Variants in FSTL4 observed in about 807,000 individuals in gnomAD.
FSTL4 encodes follistatin-related protein 4.
Under a neutral mutation model 78.2 loss-of-function variants are expected in FSTL4, and 28 were observed. The ratio of observed to expected loss-of-function variants is 0.36; its 90% confidence interval spans 0.27 to 0.49. FSTL4 has a LOEUF of 0.49. Ranked by LOEUF, FSTL4 falls within the 20% of genes least tolerant of loss-of-function variation. The pLI is 0.98. For synonymous variants in FSTL4, 422 were observed against 440.5 expected, an observed-to-expected ratio of 0.96 and a Z score of 0.53; for missense variants, 922 against 1,084.9, an observed-to-expected ratio of 0.85 and a Z score of 2.11.
chr5:133,652,248 G>T, the FSTL4 span, among the ~76,000 whole-genome samples: 1 of 151,834 alleles, frequency 6.6e-6, no homozygotes, highest in Non-Finnish European at 1.5e-5. Context: ...TAATTTTATT[G>T]ATTTCTGCTC....
upstream of FSTL4, among the ~76,000 whole-genome samples, chr5:133,616,918 G>T (rs796360626): frequency 3.1e-4 from 47 of 152,172 alleles, no homozygotes; most frequent in African/African-American, 1.1e-3. Flanking sequence ...TTGCTTCCTA[G>T]CAAGAGTGGC....
At chr5:133,627,483 G>A in the FSTL4 span, among the ~76,000 whole-genome samples, 16 of 152,152 alleles carry the variant, frequency 1.1e-4, 1 homozygote, top group Non-Finnish European at 1.5e-5. Flanking sequence ...CATGACACAT[G>A]GGAATTATGA....
the FSTL4 span, among the ~76,000 whole-genome samples, chr5:133,620,927 T>C: frequency 6.6e-6 from 1 of 152,088 alleles, no homozygotes; most frequent in Admixed American, 6.5e-5. Flanking sequence ...ACAGGTTATC[T>C]ACCCAGAGGA....
At chr5:133,363,703 C>T (rs1409134156) in intron 4 of FSTL4, among the ~76,000 whole-genome samples, 1 of 152,176 alleles carries the variant, frequency 6.6e-6, no homozygotes, top group Non-Finnish European at 1.5e-5. Context: ...GAAACCTGGG[C>T]TGAGGGCATC....
At chr5:133,681,173 C>G in the FSTL4 span, among the ~76,000 whole-genome samples, 1 of 152,370 alleles carries the variant, frequency 6.6e-6, no homozygotes, top group South Asian at 2.1e-4. Flanking sequence ...GCTTGGCCTC[C>G]TGCTTCGTTT....
At chr5:133,284,378 T>G (rs1051351315) in intron 6 of FSTL4, among the ~76,000 whole-genome samples, 1 of 152,266 alleles carries the variant, frequency 6.6e-6, no homozygotes, top group African/African-American at 2.4e-5. Flanking sequence ...CTTCAATTGT[T>G]GGAGTGTGAC....
At chr5:133,545,320 C>T (rs964444245) in intron 3 of FSTL4, among the ~76,000 whole-genome samples, 27 of 152,308 alleles carry the variant, frequency 1.8e-4, no homozygotes, top group Admixed American at 3.9e-4. Context: ...GCCACTCTCG[C>T]AGGACTGGAT....
At chr5:133,748,395 C>T in the FSTL4 span, among the ~76,000 whole-genome samples, 2 of 151,698 alleles carry the variant, frequency 1.3e-5, no homozygotes, top group Non-Finnish European at 1.5e-5. Flanking sequence ...CATGGTGAAA[C>T]CCTATCTCTA....
Position 133,199,124 on chromosome 5 carries a change from T to TC in FSTL4, c.2499dup (p.Thr834AspfsTer8), listed in dbSNP as rs762405379. On this transcript the variant is annotated frameshift_variant, in exon 16 of 16. Transcript: ENST00000265342. LOFTEE classifies it high-confidence loss of function. This position sits in a 1 kb window ranked among gnomAD's most constrained non-coding sequence, Gnocchi z 4.4. The stretch of plus-strand genomic sequence containing the variant: ...ACCTCACCCACCCACACCACTGTGG[T>TC]CCCCCCCTTTATACCTGACACCTCA... The TC allele has an allele frequency of 4.5e-6, 7 of 1,562,646 alleles. No homozygotes were observed. The highest frequency in any genetic ancestry group is 3.5e-5 in the Admixed American group (2 of 56,870).
At chr5:133,671,054 C>A in the FSTL4 span, among the ~76,000 whole-genome samples, 80 of 152,296 alleles carry the variant, frequency 5.3e-4, no homozygotes, top group African/African-American at 1.9e-3. Context: ...GGCTACTATT[C>A]TTTTGCTTTC....
chr5:133,204,088 G>C (rs894165100), intron 14 of FSTL4, among the ~76,000 whole-genome samples: 9 of 152,240 alleles, frequency 5.9e-5, no homozygotes, highest in African/African-American at 2.2e-4. Flanking sequence ...GGGACAGCAA[G>C]GCTGGGCATC....
intron 7 of FSTL4, among the ~76,000 whole-genome samples, chr5:133,243,322 G>GT (rs987145770): frequency 2.0e-5 from 3 of 151,778 alleles, no homozygotes; most frequent in Admixed American, 1.3e-4. Context: ...TGTTTTTTCT[G>GT]TTTTTTTAAA....
intron 4 of FSTL4, among the ~76,000 whole-genome samples, chr5:133,342,338 G>A (rs1398324730): frequency 6.6e-6 from 1 of 152,152 alleles, no homozygotes; most frequent in Non-Finnish European, 1.5e-5. Flanking sequence ...CAGAGAAGGG[G>A]CAGGGGAAAT....
the FSTL4 span, among the ~76,000 whole-genome samples, chr5:133,660,066 G>A: frequency 3.3e-3 from 508 of 152,262 alleles, 6 homozygotes; most frequent in African/African-American, 0.012. Flanking sequence ...TTCAAACAGT[G>A]AGGAAAAAAC....
At chr5:133,382,477 G>T (rs1218302464) in intron 4 of FSTL4, among the ~76,000 whole-genome samples, 1 of 152,120 alleles carries the variant, frequency 6.6e-6, no homozygotes, top group Non-Finnish European at 1.5e-5. Context: ...CTTTAAACTG[G>T]ATGCAAGAAT....
At chr5:133,553,241 G>A (rs1387956135) in intron 3 of FSTL4, among the ~76,000 whole-genome samples, 2 of 152,164 alleles carry the variant, frequency 1.3e-5, no homozygotes, top group Non-Finnish European at 2.9e-5. Context: ...CCGAGGCATG[G>A]CAGCATCTTC....
chr5:133,741,242 T>C, the FSTL4 span, among the ~76,000 whole-genome samples: 1 of 152,210 alleles, frequency 6.6e-6, no homozygotes, highest in Non-Finnish European at 1.5e-5. Flanking sequence ...TGGATTTATG[T>C]GATTTACTGA....
At chr5:133,444,382 C>T (rs1405657114) in intron 3 of FSTL4, among the ~76,000 whole-genome samples, 1 of 152,218 alleles carries the variant, frequency 6.6e-6, no homozygotes, top group African/African-American at 2.4e-5. Context: ...ACCCTCCTTA[C>T]CTACAGCCAC....
At chr5:133,462,705 C>T (rs1396475802) in intron 3 of FSTL4, among the ~76,000 whole-genome samples, 6 of 152,208 alleles carry the variant, frequency 3.9e-5, no homozygotes, top group Admixed American at 3.9e-4. Context: ...AGTGACTCTG[C>T]ACGGTCCAGC....
Sources: allele counts gnomAD v4.1 joint callset (sites outside exome capture counted in the v4.1 genomes callset), GRCh38; gene constraint gnomAD v4.1.1; non-coding constraint Gnocchi (gnomAD v3.1); transcripts MANE v1.5; gene names NCBI Gene and HGNC (gene_info 2026-07-23, HGNC 2026-07-21).